HAUS8: variants seen among roughly 807,000 people sequenced by gnomAD.
The protein encoded by HAUS8 is HAUS augmin-like complex subunit 8.
HAUS8 carries 38 observed loss-of-function variants against 42.9 expected under a neutral mutation model. That is an observed-to-expected ratio of 0.89 (90% CI 0.68 to 1.16). The LOEUF is 1.16. Among genes scored for constraint, HAUS8 ranks in the 50% most tolerant of loss-of-function variants. The pLI, the probability that HAUS8 is intolerant of heterozygous loss-of-function variation, is 0.00. For missense variants in HAUS8, 494 were observed against 511.6 expected, an observed-to-expected ratio of 0.97 and a Z score of 0.33; for synonymous variants, 199 against 205.8, an observed-to-expected ratio of 0.97 and a Z score of 0.28.
intron 6 of HAUS8, 78 bp from the exon 7 acceptor site, chr19:17,058,954 T>C (rs1445298419): frequency 6.9e-6 from 8 of 1,165,286 alleles, no homozygotes; most frequent in Non-Finnish European, 9.9e-6. Context: ...GGGGGAGAAC[T>C]CTGGCTTGTG....
At chr19:17,069,714 G>A (rs1032526660) in intron 2 of HAUS8, among the ~76,000 whole-genome samples, 9 of 151,868 alleles carry the variant, frequency 5.9e-5, no homozygotes, top group Non-Finnish European at 1.3e-4. Flanking sequence ...AACTGGATCC[G>A]GTTAGTCCCA....
At chr19:17,059,732 G>A in intron 5 of HAUS8, 81 bp from the exon 6 acceptor site, 2 of 865,702 alleles carry the variant, frequency 2.3e-6, no homozygotes, top group Non-Finnish European at 3.8e-6. Flanking sequence ...CTAATGATGG[G>A]TTTATTGGGA....
Position 17,050,092 on chromosome 19 carries a change from C to T in HAUS8, c.1014G>A (p.Gln338=). The T allele has an allele frequency of 1.2e-6, 2 of 1,600,606 alleles. No individual in the cohort carries two copies. The highest frequency in any genetic ancestry group is 1.7e-6 in the Non-Finnish European group (2 of 1,173,562). ...ACCACCGGCTGGGGGGCGCCATGCC[C>T]TGGGTCTCTTCCCAGACTTCCTGGT... ...LANQEVWEET[Q]GMAPPSRWYF... The change falls in exon 11 of 11, where the codon CAG becomes CAA. Residue 338 remains glutamine, a synonymous_variant. Transcript: ENST00000253669.
rs147742047 is a variant in HAUS8, at chr19:17,073,575, G to A, written c.30-240C>T. 2.2e-4 allele frequency: 125 copies of A among 557,414 alleles called. 1 individual carries two copies. The East Asian group carries it at 3.8e-3, about 17-fold the overall frequency. 34.5% of individuals were successfully genotyped at this position (557,414 alleles called of 1,614,324 possible). ...CTGAGAAGAGAGGAGGGTAATGAGAGCTCTGTGGAAGAGATCACAGCAGAT... is the reference window on the plus strand; with the variant it reads ...CTGAGAAGAGAGGAGGGTAATGAGAACTCTGTGGAAGAGATCACAGCAGAT... On this transcript the variant is annotated intron_variant, in intron 1 of 10. Transcript: ENST00000253669.
intron 9 of HAUS8, 109 bp downstream of exon 9, chr19:17,055,752 T>C (rs1280991961): frequency 3.3e-6 from 4 of 1,197,654 alleles, no homozygotes; most frequent in Non-Finnish European, 4.6e-6. Flanking sequence ...TCCTCTGCCT[T>C]AGTTGGGGAA....
intron 9 of HAUS8, chr19:17,053,257 C>T: frequency 2.3e-6 from 1 of 428,908 alleles, no homozygotes; most frequent in South Asian, 2.4e-5. Flanking sequence ...AAGGGCTGTG[C>T]TGTGCCAGGG....
chr19:17,064,208 T>C (rs1184566035), intron 3 of HAUS8, among the ~76,000 whole-genome samples: 1 of 152,228 alleles, frequency 6.6e-6, no homozygotes, highest in Non-Finnish European at 1.5e-5. Flanking sequence ...ATCTATAATC[T>C]GGAAGCTACA....
upstream of HAUS8, chr19:17,075,511 C>G (rs1301515880): frequency 2.8e-6 from 4 of 1,443,862 alleles, no homozygotes; most frequent in Non-Finnish European, 1.9e-6. Context: ...TTTGTGGAGA[C>G]GCAGGAGGGG....
intron 4 of HAUS8, among the ~76,000 whole-genome samples, chr19:17,061,092 G>A (rs2057358068): frequency 6.6e-6 from 1 of 151,922 alleles, no homozygotes; most frequent in Non-Finnish European, 1.5e-5. Flanking sequence ...CATGCCCTCA[G>A]GGCACAGACT....
chr19:17,073,183 C>T, intron 2 of HAUS8, 91 bp downstream of exon 2: 1 of 1,131,970 alleles, frequency 8.8e-7, no homozygotes, highest in Non-Finnish European at 1.3e-6. Flanking sequence ...AAGCCACAGG[C>T]CCCCTTCTCT....
At chr19:17,073,742 T>C in intron 1 of HAUS8, 1 of 198,898 alleles carries the variant, frequency 5.0e-6, no homozygotes, top group Non-Finnish European at 1.1e-5. Flanking sequence ...CGAGGAGTGG[T>C]CCCAGCAGGT....
chr19:17,063,234 C>T (rs35234532), intron 3 of HAUS8, among the ~76,000 whole-genome samples: 46,343 of 152,078 alleles, frequency 0.3, 7,385 homozygotes, highest in African/African-American at 0.38. Flanking sequence ...CAGTGGCTCC[C>T]GCCTGTGGTC....
intron 2 of HAUS8, among the ~76,000 whole-genome samples, chr19:17,070,052 T>G (rs2057411947): frequency 6.6e-6 from 1 of 152,032 alleles, no homozygotes; most frequent in African/African-American, 2.4e-5. Context: ...CTCCACCAGA[T>G]GCTGGAGGTC....
chr19:17,052,513 G>A, intron 10 of HAUS8: 1 of 225,842 alleles, frequency 4.4e-6, no homozygotes, highest in Non-Finnish European at 8.8e-6. Flanking sequence ...AGCAATTTGA[G>A]GTTGCAGTGA....
intron 9 of HAUS8, among the ~76,000 whole-genome samples, chr19:17,055,361 A>C (rs2057319044): frequency 1.4e-5 from 2 of 142,726 alleles, no homozygotes; most frequent in South Asian, 2.2e-4. Flanking sequence ...AAAAAAAAAA[A>C]AGAACCAAAC....
At chr19:17,061,357 G>C (rs2057359760) in intron 4 of HAUS8, among the ~76,000 whole-genome samples, 1 of 151,970 alleles carries the variant, frequency 6.6e-6, no homozygotes, top group African/African-American at 2.4e-5. Flanking sequence ...GGTAGGTCTG[G>C]AACTCCTGGG....
chr19:17,050,199 T>A (rs2057278595), intron 10 of HAUS8, 23 bp from the exon 11 acceptor site: 5 of 1,463,850 alleles, frequency 3.4e-6, no homozygotes, highest in Non-Finnish European at 4.5e-6. Context: ...GGAGAAAGAA[T>A]AACGGCTTTC....
intron 10 of HAUS8, 193 bp downstream of exon 10, chr19:17,052,632 C>A: frequency 1.7e-6 from 1 of 583,574 alleles, no homozygotes. Context: ...ATTTTGTTAT[C>A]CACAATACAG....
At chr19:17,070,817 C>G (rs898457481) in intron 2 of HAUS8, among the ~76,000 whole-genome samples, 3 of 152,238 alleles carry the variant, frequency 2.0e-5, no homozygotes, top group Non-Finnish European at 4.4e-5. Flanking sequence ...CGCCTGTAAT[C>G]CCAGCACTTT....
Sources: gnomAD v4.1 joint callset for allele counts (sites outside exome capture counted in the v4.1 genomes callset) on GRCh38, gnomAD v4.1.1 for gene constraint, MANE v1.5 for transcripts, NCBI Gene and HGNC (gene_info 2026-07-23, HGNC 2026-07-21) for gene names.